The following ARB2A variants were observed in gnomAD, a reference collection of about 807,000 sequenced individuals.
ARB2A encodes cotranscriptional regulator ARB2A.
At chr5:93,618,711 A>G in the ARB2A span, 1 of 152,234 alleles carries the variant, frequency 6.6e-6, no homozygotes, top group Non-Finnish European at 1.5e-5. Flanking sequence ...TCAGATTCAC[A>G]AGTAGAAATT....
At chr5:93,824,069 A>C in the ARB2A span, 1 of 1,231,104 alleles carries the variant, frequency 8.1e-7, no homozygotes, top group South Asian at 2.6e-5. Context: ...CTTAAAGAGT[A>C]TTGATACCAA....
At chr5:93,830,809 C>T in the ARB2A span, among the ~76,000 whole-genome samples, 2 of 152,064 alleles carry the variant, frequency 1.3e-5, no homozygotes, top group Non-Finnish European at 2.9e-5. Flanking sequence ...GATTCAGGTG[C>T]ATTACGTTTA....
chr5:93,972,148 A>C, the ARB2A span, among the ~76,000 whole-genome samples: 122 of 152,130 alleles, frequency 8.0e-4, no homozygotes, highest in Admixed American at 3.3e-4. Flanking sequence ...GAAGGTGAAC[A>C]CTGGCTGGGG....
chr5:93,771,780 GGC>G, the ARB2A span, among the ~76,000 whole-genome samples: 14 of 152,164 alleles, frequency 9.2e-5, no homozygotes, highest in Admixed American at 9.2e-4. Context: ...CAGTTAGAAT[GGC>G]AATCATTAAA....
the ARB2A span, among the ~76,000 whole-genome samples, chr5:93,904,997 TCTC>T: frequency 4.0e-5 from 6 of 151,706 alleles, no homozygotes; most frequent in Non-Finnish European, 8.9e-5. Context: ...ACAGTATTTG[TCTC>T]CTCAATTCTT....
At chr5:93,782,868 G>A in the ARB2A span, among the ~76,000 whole-genome samples, 3 of 152,086 alleles carry the variant, frequency 2.0e-5, no homozygotes, top group East Asian at 5.8e-4. Context: ...TTAATTGAGG[G>A]AACTGAGAGA....
chr5:93,630,386 C>T, the ARB2A span, among the ~76,000 whole-genome samples: 1 of 152,164 alleles, frequency 6.6e-6, no homozygotes, highest in Non-Finnish European at 1.5e-5. Context: ...CAAGCAAGTT[C>T]TCTTTCCATT....
At chr5:93,995,220 G>A in the ARB2A span, among the ~76,000 whole-genome samples, 3 of 152,186 alleles carry the variant, frequency 2.0e-5, no homozygotes, top group African/African-American at 4.8e-5. Flanking sequence ...CGTGTTGTGA[G>A]TACCCACTTA....
At chr5:93,928,416 A>G in the ARB2A span, among the ~76,000 whole-genome samples, 1 of 152,142 alleles carries the variant, frequency 6.6e-6, no homozygotes, top group African/African-American at 2.4e-5. Context: ...ACCTTCCTTA[A>G]AATATGGTAG....
chr5:93,930,783 CTG>C, the ARB2A span, among the ~76,000 whole-genome samples: 4 of 152,028 alleles, frequency 2.6e-5, no homozygotes, highest in African/African-American at 9.7e-5. Flanking sequence ...AAAGGCAAAA[CTG>C]TTGTTAAAAA....
chr5:94,101,717 C>T, the ARB2A span, among the ~76,000 whole-genome samples: 2 of 152,092 alleles, frequency 1.3e-5, no homozygotes, highest in Non-Finnish European at 2.9e-5. Flanking sequence ...TGCATGTTCT[C>T]ACTTGTAAGT....
chr5:93,859,840 G>A, the ARB2A span, among the ~76,000 whole-genome samples: 1 of 152,196 alleles, frequency 6.6e-6, no homozygotes, highest in Admixed American at 6.5e-5. Context: ...TGAAACAACA[G>A]GAATAGCCAT....
At chr5:93,878,426 G>T in the ARB2A span, among the ~76,000 whole-genome samples, 1 of 150,178 alleles carries the variant, frequency 6.7e-6, no homozygotes, top group South Asian at 2.1e-4. Flanking sequence ...ACTCAAAGGG[G>T]TGTGTGTGTG....
chr5:94,068,056 C>G, the ARB2A span, among the ~76,000 whole-genome samples: 26 of 152,174 alleles, frequency 1.7e-4, no homozygotes, highest in African/African-American at 6.3e-4. Context: ...CACTTTGTTA[C>G]CGGCAGGTCT....
chr5:93,857,895 G>A, the ARB2A span, among the ~76,000 whole-genome samples: 1 of 152,202 alleles, frequency 6.6e-6, no homozygotes. Context: ...GCTGGGAGCT[G>A]TAGACTGGAG....
At chr5:93,652,000 GA>G in the ARB2A span, among the ~76,000 whole-genome samples, 9 of 152,152 alleles carry the variant, frequency 5.9e-5, no homozygotes, top group African/African-American at 2.2e-4. Flanking sequence ...TAACCCAAAA[GA>G]AGGCAGAAAA....
chr5:94,060,346 C>A, the ARB2A span, among the ~76,000 whole-genome samples: 2 of 151,048 alleles, frequency 1.3e-5, no homozygotes, highest in East Asian at 3.9e-4. Flanking sequence ...AGCAAGATTC[C>A]ATCTCAAAAA....
chr5:93,850,270 A>G, the ARB2A span, among the ~76,000 whole-genome samples: 1 of 152,218 alleles, frequency 6.6e-6, no homozygotes, highest in Non-Finnish European at 1.5e-5. Context: ...CTGATATTCA[A>G]TTATTCCAAT....
At chr5:94,020,112 A>G in the ARB2A span, among the ~76,000 whole-genome samples, 1 of 152,202 alleles carries the variant, frequency 6.6e-6, no homozygotes, top group African/African-American at 2.4e-5. Context: ...TGTCCTTTGC[A>G]GGGACATGGA....
Sources: gnomAD v4.1 joint callset for allele counts (sites outside exome capture counted in the v4.1 genomes callset) on GRCh38, gnomAD v4.1.1 for gene constraint, MANE v1.5 for transcripts, NCBI Gene and HGNC (gene_info 2026-07-23, HGNC 2026-07-21) for gene names.